FHIT: variants seen among roughly 807,000 people sequenced by gnomAD.
FHIT encodes the protein fragile histidine triad diadenosine triphosphatase.
In FHIT, 19 loss-of-function variants were observed where a neutral mutation model predicts 17.9. The observed-to-expected ratio is 1.06, with a 90% CI of 0.74 to 1.56. The LOEUF (loss-of-function observed/expected upper bound fraction) is 1.56, where lower values mean the gene tolerates loss of function less well. Among genes scored for constraint, FHIT ranks in the 40% most tolerant of loss-of-function variants. The pLI, the probability that FHIT is intolerant of heterozygous loss-of-function variation, is 0.00. For missense variants in FHIT, 248 were observed against 189.2 expected, an observed-to-expected ratio of 1.31 and a Z score of -1.82; for synonymous variants, 81 against 69.7, an observed-to-expected ratio of 1.16 and a Z score of -0.81.
At chr3:61,180,890 T>C (rs568254656) in intron 2 of FHIT, among the ~76,000 whole-genome samples, 2 of 152,208 alleles carry the variant, frequency 1.3e-5, no homozygotes, top group South Asian at 4.1e-4. Flanking sequence ...GAGTGGGGCA[T>C]AGTTAATGAT....
At chr3:60,654,200 C>A (rs1023001183) in intron 4 of FHIT, among the ~76,000 whole-genome samples, 1 of 152,184 alleles carries the variant, frequency 6.6e-6, no homozygotes, top group African/African-American at 2.4e-5. Context: ...GCCTGCAGAA[C>A]CATGAGCCAA....
intron 3 of FHIT, among the ~76,000 whole-genome samples, chr3:61,027,231 C>T (rs148012580): frequency 0.012 from 1,882 of 152,096 alleles, 39 homozygotes; most frequent in African/African-American, 0.043. Context: ...GGATTACAGG[C>T]GCCTGCCACC....
intron 4 of FHIT, among the ~76,000 whole-genome samples, chr3:60,716,989 T>A (rs1450857071): frequency 6.6e-6 from 1 of 152,196 alleles, no homozygotes; most frequent in Admixed American, 6.5e-5. Context: ...AATCTTGCCA[T>A]CTGCAACACG....
chr3:60,077,201 T>G (rs1323564573), intron 5 of FHIT, among the ~76,000 whole-genome samples: 2 of 152,032 alleles, frequency 1.3e-5, no homozygotes, highest in African/African-American at 4.8e-5. Context: ...ATTACAGGAT[T>G]GAAAGCATCA....
At chr3:61,009,189 G>A (rs886900976) in intron 3 of FHIT, among the ~76,000 whole-genome samples, 4 of 152,156 alleles carry the variant, frequency 2.6e-5, no homozygotes. Context: ...GTCCCATTGT[G>A]TCTCTTTCAA....
intron 5 of FHIT, among the ~76,000 whole-genome samples, chr3:60,424,863 A>C (rs1404525640): frequency 6.6e-5 from 10 of 152,172 alleles, no homozygotes; most frequent in Non-Finnish European, 1.0e-4. Context: ...TCTGTAGTGC[A>C]TATAGATGAT....
chr3:61,231,494 GA>G (rs58242774), intron 1 of FHIT, among the ~76,000 whole-genome samples: 3,086 of 141,148 alleles, frequency 0.022, 84 homozygotes, highest in African/African-American at 0.068. Context: ...GTCTCTTACG[GA>G]AAAAAAAAAA....
intron 5 of FHIT, among the ~76,000 whole-genome samples, chr3:60,061,127 G>A (rs1233754412): frequency 6.6e-6 from 1 of 152,162 alleles, no homozygotes; most frequent in African/African-American, 2.4e-5. Context: ...ATAATAGGAT[G>A]GGGAAAGAGT....
At chr3:60,278,275 A>T (rs557694003) in intron 5 of FHIT, among the ~76,000 whole-genome samples, 10 of 152,278 alleles carry the variant, frequency 6.6e-5, no homozygotes, top group African/African-American at 2.4e-4. Flanking sequence ...ACCATTTTGG[A>T]AGTTTCCCAG....
Position 60,860,427 on chromosome 3 carries a change from T to C in FHIT, c.-110-38416A>G, listed in dbSNP as rs111210686. Among the ~76,000 whole-genome samples, 289 of 130,492 alleles carry C rather than the reference T, an allele frequency of 2.2e-3. 4 individuals carry two copies. The highest frequency in any genetic ancestry group is 3.3e-3 in the Non-Finnish European group (196 of 59,362). 85.6% of individuals were successfully genotyped at this position (130,492 alleles called of 152,430 possible). On this transcript the variant is annotated intron_variant, in intron 3 of 9. Transcript: ENST00000492590. ...TGACATACATCATATGTATATATGA[T>C]ACATATATATCATGTATATATGATA...
intron 6 of FHIT, among the ~76,000 whole-genome samples, chr3:60,013,412 C>T (rs1441137572): frequency 6.6e-6 from 1 of 152,156 alleles, no homozygotes; most frequent in Admixed American, 6.5e-5. Flanking sequence ...CGGATTTACT[C>T]AATTCCCTAC....
At chr3:60,109,677 T>C (rs1486821693) in intron 5 of FHIT, among the ~76,000 whole-genome samples, 3 of 152,186 alleles carry the variant, frequency 2.0e-5, no homozygotes, top group Non-Finnish European at 4.4e-5. Context: ...CTAAGTATCC[T>C]ATAGTACTGA....
intron 4 of FHIT, among the ~76,000 whole-genome samples, chr3:60,785,442 G>A (rs1700533871): frequency 6.6e-6 from 1 of 152,186 alleles, no homozygotes; most frequent in South Asian, 2.1e-4. Context: ...CCCACGAAGA[G>A]AAGTGCCTCT....
At chr3:60,545,642 G>A (rs986042242) in intron 4 of FHIT, among the ~76,000 whole-genome samples, 3 of 152,116 alleles carry the variant, frequency 2.0e-5, no homozygotes, top group African/African-American at 4.8e-5. Context: ...TTCATATCCA[G>A]ATATATAGGA....
chr3:59,957,022 A>G (rs1247451111), intron 7 of FHIT, among the ~76,000 whole-genome samples: 2 of 152,298 alleles, frequency 1.3e-5, no homozygotes, highest in East Asian at 1.9e-4. Context: ...TCTACAGAAC[A>G]GGGACTTTGT....
chr3:60,747,125 AC>A (rs543570062), intron 4 of FHIT, among the ~76,000 whole-genome samples: 2 of 149,682 alleles, frequency 1.3e-5, no homozygotes, highest in African/African-American at 2.5e-5. Flanking sequence ...CTTGGAATTC[AC>A]AAAAAAAAAA....
chr3:59,775,129 T>G (rs555645176), intron 8 of FHIT, among the ~76,000 whole-genome samples: 2 of 152,204 alleles, frequency 1.3e-5, no homozygotes, highest in Non-Finnish European at 2.9e-5. Flanking sequence ...GCATCAATCA[T>G]TCCACAGAGC....
intron 4 of FHIT, among the ~76,000 whole-genome samples, chr3:60,735,919 C>A (rs2042124401): frequency 6.6e-6 from 1 of 152,182 alleles, no homozygotes; most frequent in African/African-American, 2.4e-5. Flanking sequence ...TGGGCTATTA[C>A]CTCATGCAGG....
chr3:60,933,212 T>G (rs1480885089), intron 3 of FHIT, among the ~76,000 whole-genome samples: 1 of 152,150 alleles, frequency 6.6e-6, no homozygotes, highest in Non-Finnish European at 1.5e-5. Flanking sequence ...TTGTAAAAAT[T>G]TTGTATACAT....
Sources: gnomAD v4.1 joint callset for allele counts (sites outside exome capture counted in the v4.1 genomes callset) on GRCh38, gnomAD v4.1.1 for gene constraint, MANE v1.5 for transcripts, NCBI Gene and HGNC (gene_info 2026-07-23, HGNC 2026-07-21) for gene names.